Variants in GLO1 observed in about 807,000 individuals in gnomAD.
GLO1 encodes the protein glyoxalase I.
A neutral mutation model predicts 26.0 loss-of-function variants in GLO1; 28 were observed. That is an observed-to-expected ratio of 1.08 (90% CI 0.80 to 1.48). The LOEUF (loss-of-function observed/expected upper bound fraction) is 1.48, where lower values mean the gene tolerates loss of function less well. GLO1 is among the 40% of genes most tolerant of loss of function. The pLI, the probability that GLO1 is intolerant of heterozygous loss-of-function variation, is 0.00. For missense variants in GLO1, 225 were observed against 224.8 expected (o/e 1.00, Z -0.01); for synonymous variants, 78 against 77.6 (o/e 1.00, Z -0.03).
At chr6:38,682,503 G>A (rs908485289) in intron 4 of GLO1, among the ~76,000 whole-genome samples, 3 of 152,010 alleles carry the variant, frequency 2.0e-5, no homozygotes, top group African/African-American at 7.3e-5. Flanking sequence ...AGAAGTGTAT[G>A]TGCTAGCAGA....
chr6:38,682,984 G>A, intron 3 of GLO1, 109 bp from the exon 4 acceptor site: 2 of 682,492 alleles, frequency 2.9e-6, no homozygotes, highest in Admixed American at 2.4e-5. Context: ...TTACATAATT[G>A]GCCTAACCCC....
intron 1 of GLO1, among the ~76,000 whole-genome samples, chr6:38,690,074 T>C (rs1161769520): frequency 6.6e-6 from 1 of 152,184 alleles, no homozygotes; most frequent in Non-Finnish European, 1.5e-5. Flanking sequence ...CCGCCTGCCT[T>C]GGCCTAAGAA....
chr6:38,690,846 A>G (rs927931819), intron 1 of GLO1, among the ~76,000 whole-genome samples: 1 of 152,240 alleles, frequency 6.6e-6, no homozygotes, highest in African/African-American at 2.4e-5. Flanking sequence ...TTTTAAGAAA[A>G]TGATCAAGTT....
At chr6:38,687,119 G>A (rs1761471234) in intron 1 of GLO1, 145 bp from the exon 2 acceptor site, 1 of 1,420,478 alleles carries the variant, frequency 7.0e-7, no homozygotes, top group Non-Finnish European at 9.2e-7. Flanking sequence ...GGTATCTTCT[G>A]GTTGCAGGCC....
At chr6:38,691,999 A>G (rs1761538601) in intron 1 of GLO1, among the ~76,000 whole-genome samples, 1 of 152,236 alleles carries the variant, frequency 6.6e-6, no homozygotes, top group Non-Finnish European at 1.5e-5. Context: ...AAAATCAGGT[A>G]GAAAAATTCT....
intron 1 of GLO1, among the ~76,000 whole-genome samples, chr6:38,695,623 C>G (rs1325245145): frequency 6.6e-6 from 1 of 152,064 alleles, no homozygotes; most frequent in Non-Finnish European, 1.5e-5. Flanking sequence ...CAGCCTTCCC[C>G]CACATCACCT....
rs114210709 is a variant in GLO1, at chr6:38,696,749, G to A, written c.84+6222C>T. Among the ~76,000 whole-genome samples the A allele has an allele frequency of 1.8e-3, 277 of 152,248 alleles. 2 individuals are homozygous for A. Among genetic ancestry groups the A allele is most frequent in the African/African-American group, 6.3e-3 (263 of 41,554 alleles). The stretch of plus-strand genomic sequence containing the variant: ...TACCCTCAGTCTGCAGAAAGGAGAA[G>A]TTCCACACTTGCATTAGCCATATTT... On this transcript the variant is annotated intron_variant, in intron 1 of 5. Coordinates refer to ENST00000373365, the MANE Select transcript of GLO1 (RefSeq NM_006708.3).
Position 38,678,599 on chromosome 6 carries a change from C to T in GLO1, c.467-1216G>A, listed in dbSNP as rs139485287. On this transcript the variant is annotated intron_variant, in intron 5 of 5. Transcript: ENST00000373365. ...GAACAGAGTTTTGCTCTTGCTCCTC[C>T]CTCACTGCTGTGTGCATCGGCACCT... is the stretch of plus-strand genomic sequence containing the variant. Among the ~76,000 whole-genome samples the T allele has an allele frequency of 2.9e-3, 436 of 152,200 alleles. 3 individuals are homozygous for T. Among genetic ancestry groups the T allele is most frequent in the African/African-American group, 9.7e-3 (404 of 41,518 alleles).
chr6:38,692,911 T>A (rs1761552278), intron 1 of GLO1, among the ~76,000 whole-genome samples: 1 of 151,298 alleles, frequency 6.6e-6, no homozygotes, highest in Non-Finnish European at 1.5e-5. Context: ...TCTTTCTATA[T>A]ATACTGTTGA....
At chr6:38,688,292 C>T (rs1182684932) in intron 1 of GLO1, among the ~76,000 whole-genome samples, 1 of 152,092 alleles carries the variant, frequency 6.6e-6, no homozygotes, top group African/African-American at 2.4e-5. Context: ...TTTTATCAAG[C>T]AGCTGAGAAA....
chr6:38,690,279 C>T (rs1761512145), intron 1 of GLO1, among the ~76,000 whole-genome samples: 1 of 151,956 alleles, frequency 6.6e-6, no homozygotes, highest in African/African-American at 2.4e-5. Context: ...TATTATCATC[C>T]CCATTTTACT....
At chr6:38,682,733 A>T in intron 4 of GLO1, 75 bp downstream of exon 4, 1 of 756,986 alleles carries the variant, frequency 1.3e-6, no homozygotes. Context: ...TTTTAGGTTT[A>T]TTAAAATCAT....
In GLO1 at chr6:38,693,685, C is replaced by CTCTCTCTCTCTCTATATA. The variant is rs869232489; in HGVS notation, c.85-6712_85-6711insTATATAGAGAGAGAGAGA. On this transcript the variant is annotated intron_variant, in intron 1 of 5. Coordinates refer to ENST00000373365, the MANE Select transcript of GLO1 (RefSeq NM_006708.3). The stretch of plus-strand genomic sequence containing the variant: ...TCTCTCTCTCTCTCTCTCTCTCTCT[C>CTCTCTCTCTCTCTATATA]TATATATATATATATATATATTTGT... 2.9e-3 allele frequency among the ~76,000 whole-genome samples: 250 copies of CTCTCTCTCTCTCTATATA among 86,322 alleles called. 1 individual carries two copies. Among genetic ancestry groups the CTCTCTCTCTCTCTATATA allele is most frequent in the East Asian group, 0.012 (39 of 3,384 alleles). 56.6% of individuals were successfully genotyped at this position (86,322 alleles called of 152,430 possible).
chr6:38,698,733 C>T (rs1245130200), intron 1 of GLO1, among the ~76,000 whole-genome samples: 2 of 149,274 alleles, frequency 1.3e-5, no homozygotes, highest in Non-Finnish European at 1.5e-5. Context: ...GAAAGTTAGC[C>T]CAGAGAGATT....
chr6:38,698,423 C>CATAT (rs972705097), intron 1 of GLO1, among the ~76,000 whole-genome samples: 1 of 147,014 alleles, frequency 6.8e-6, no homozygotes, highest in Non-Finnish European at 1.5e-5. Context: ...GGGACCCCAT[C>CATAT]ATATATATAT....
intron 1 of GLO1, among the ~76,000 whole-genome samples, chr6:38,691,590 AG>A (rs1761532536): frequency 6.6e-6 from 1 of 152,178 alleles, no homozygotes; most frequent in Non-Finnish European, 1.5e-5. Flanking sequence ...TACAGGTGTG[AG>A]CCACCGCAAC....
intron 1 of GLO1, among the ~76,000 whole-genome samples, chr6:38,696,916 T>C (rs1012546981): frequency 4.0e-5 from 6 of 149,728 alleles, no homozygotes; most frequent in Non-Finnish European, 8.8e-5. Flanking sequence ...CAGAAAGCCT[T>C]CTTCTTTTTT....
At chr6:38,691,674 T>A (rs1468488212) in intron 1 of GLO1, among the ~76,000 whole-genome samples, 1 of 152,000 alleles carries the variant, frequency 6.6e-6, no homozygotes, top group Non-Finnish European at 1.5e-5. Context: ...ATACAATCCT[T>A]ACAAAACTGT....
At position 38,679,747 on chromosome 6, in the gene GLO1, T is replaced by G. The variant is rs142478080; in HGVS notation, c.466+2265A>C. 4.1e-3 allele frequency among the ~76,000 whole-genome samples: 620 copies of G among 149,596 alleles called. 6 individuals are homozygous for G. The highest frequency in any genetic ancestry group is 0.032 in the South Asian group (151 of 4,764). ...AGTTTGAGGTTGCAGTGAGCTATGA[T>G]CACACCACTGCACTCTAGCCTGGGC... On this transcript the variant is annotated intron_variant, in intron 5 of 5. Transcript: ENST00000373365.
Sources: gnomAD v4.1 joint callset for allele counts (sites outside exome capture counted in the v4.1 genomes callset) on GRCh38, gnomAD v4.1.1 for gene constraint, MANE v1.5 for transcripts, NCBI Gene and HGNC (gene_info 2026-07-23, HGNC 2026-07-21) for gene names.